DPP10: variants seen among roughly 807,000 people sequenced by gnomAD.
DPP10 encodes dipeptidyl peptidase like 10, also known as inactive dipeptidyl peptidase 10.
A neutral mutation model predicts 120.9 loss-of-function variants in DPP10; 33 were observed. The observed-to-expected ratio is 0.27, with a 90% CI of 0.21 to 0.37. The LOEUF (loss-of-function observed/expected upper bound fraction) is 0.37, where lower values mean the gene tolerates loss of function less well. Ranked by LOEUF, DPP10 falls within the 10% of genes least tolerant of loss-of-function variation. DPP10 has a pLI of 1.00. For synonymous variants in DPP10, 337 were observed against 326.1 expected (o/e 1.03, Z -0.36); for missense variants, 816 against 942.8 (o/e 0.87, Z 1.76).
chr2:115,796,321 T>G (rs1396312677), intron 19 of DPP10, among the ~76,000 whole-genome samples: 1 of 152,186 alleles, frequency 6.6e-6, no homozygotes, highest in Admixed American at 6.5e-5. Context: ...CATACCAGAT[T>G]ACAACATTTA....
intron 1 of DPP10, among the ~76,000 whole-genome samples, chr2:114,715,430 T>A (rs749886409): frequency 2.0e-5 from 3 of 152,096 alleles, no homozygotes; most frequent in Non-Finnish European, 4.4e-5. Flanking sequence ...TCAATATTGA[T>A]GTGTTTAAGA....
chr2:114,866,148 T>TAAAC (rs1553444408), intron 1 of DPP10, among the ~76,000 whole-genome samples: 3 of 150,288 alleles, frequency 2.0e-5, no homozygotes, highest in Non-Finnish European at 3.0e-5. Flanking sequence ...AATAAATAAA[T>TAAAC]AAACTTATAT....
chr2:115,306,420 A>G (rs998796384), intron 1 of DPP10, among the ~76,000 whole-genome samples: 22 of 152,150 alleles, frequency 1.4e-4, no homozygotes, highest in Non-Finnish European at 5.9e-5. Flanking sequence ...ATGAAATACA[A>G]GATTCTTTCT....
intron 3 of DPP10, among the ~76,000 whole-genome samples, chr2:115,459,000 G>A (rs1185382141): frequency 1.3e-5 from 2 of 152,114 alleles, no homozygotes; most frequent in African/African-American, 4.8e-5. Flanking sequence ...AGACACTCCA[G>A]TGTCATGTTA....
chr2:114,477,217 C>A, intron 1 of DPP10, among the ~76,000 whole-genome samples: 1 of 151,868 alleles, frequency 6.6e-6, no homozygotes, highest in East Asian at 1.9e-4. Flanking sequence ...CAAGGACTCC[C>A]AAAGTGCTGG....
chr2:115,143,373 C>T (rs529435235), intron 1 of DPP10, among the ~76,000 whole-genome samples: 1 of 152,296 alleles, frequency 6.6e-6, no homozygotes, highest in South Asian at 2.1e-4. Context: ...ATTTAGGCCA[C>T]TGGAAGTAAT....
intron 5 of DPP10, among the ~76,000 whole-genome samples, chr2:115,578,643 A>G (rs149386392): frequency 5.3e-5 from 8 of 152,210 alleles, no homozygotes; most frequent in South Asian, 4.1e-4. Context: ...GGAAATTTGC[A>G]TACTCAGAAC....
chr2:115,746,260 G>C, intron 10 of DPP10, 77 bp downstream of exon 10: 1 of 1,263,360 alleles, frequency 7.9e-7, no homozygotes. Context: ...AATTTAGAGA[G>C]AGATGTGATC....
chr2:114,982,895 C>T lies in DPP10; in HGVS notation c.61-326344C>T, dbSNP rs2048830374. Among the ~76,000 whole-genome samples the T allele has an allele frequency of 2.0e-5, 3 of 152,018 alleles. 1 individual carries two copies. On this transcript the variant is annotated intron_variant, in intron 1 of 25. Transcript: ENST00000410059. ...GTGCTGTGATTACAGGTGTGAGCCA[C>T]TGCGCCCAGCCAATTTTGCAAATTG...
chr2:115,028,404 T>G (rs1347836272), intron 1 of DPP10, among the ~76,000 whole-genome samples: 1 of 152,116 alleles, frequency 6.6e-6, no homozygotes, highest in Non-Finnish European at 1.5e-5. Context: ...GTTTCTGAAG[T>G]TCCTCTTGTT....
intron 1 of DPP10, among the ~76,000 whole-genome samples, chr2:114,523,617 G>A (rs1386558632): frequency 6.6e-6 from 1 of 152,200 alleles, no homozygotes; most frequent in Non-Finnish European, 1.5e-5. Flanking sequence ...GCTGTAGAGG[G>A]AAAAGGAAGT....
chr2:114,761,426 C>T (rs374199810), intron 1 of DPP10, among the ~76,000 whole-genome samples: 2 of 152,128 alleles, frequency 1.3e-5, no homozygotes, highest in East Asian at 1.9e-4. Flanking sequence ...GCACTTTTCT[C>T]CCCTCTTAAA....
At chr2:115,574,497 C>T (rs1041765671) in intron 5 of DPP10, among the ~76,000 whole-genome samples, 9 of 152,142 alleles carry the variant, frequency 5.9e-5, no homozygotes, top group South Asian at 2.1e-4. Flanking sequence ...TTCTTGTGCA[C>T]CTCCCTCTTG....
Position 114,885,896 on chromosome 2 carries a change from A to T in DPP10, c.61-423343A>T, listed in dbSNP as rs531872566. 5.9e-5 allele frequency among the ~76,000 whole-genome samples: 9 copies of T among 152,324 alleles called. No individual in the cohort carries two copies. In the East Asian group the frequency reaches 1.7e-3, roughly 29 times the overall value. On this transcript the variant is annotated intron_variant, in intron 1 of 25. Transcript: ENST00000410059. Reference sequence around the variant, plus strand: ...TAACATTCTTAAGCATCACATTTCTAATTTGAATAATAGAGACGATAATTT... The same window carrying T: ...TAACATTCTTAAGCATCACATTTCTTATTTGAATAATAGAGACGATAATTT...
chr2:115,671,944 A>G (rs2089909008), intron 5 of DPP10, among the ~76,000 whole-genome samples: 1 of 152,194 alleles, frequency 6.6e-6, no homozygotes, highest in South Asian at 2.1e-4. Flanking sequence ...ACTGATATGT[A>G]AAACAATATA....
At chr2:114,452,662 G>A (rs952937428) in intron 1 of DPP10, among the ~76,000 whole-genome samples, 3 of 152,038 alleles carry the variant, frequency 2.0e-5, no homozygotes, top group Non-Finnish European at 4.4e-5. Flanking sequence ...TTCATTGAAA[G>A]CATCAGAAAA....
intron 4 of DPP10, among the ~76,000 whole-genome samples, chr2:115,512,075 T>G (rs2077261676): frequency 6.6e-6 from 1 of 150,812 alleles, no homozygotes; most frequent in Non-Finnish European, 1.5e-5. Context: ...CCTTCCTTCC[T>G]GTCTCCCTCC....
At chr2:115,535,886 G>A (rs979394043) in intron 5 of DPP10, among the ~76,000 whole-genome samples, 7 of 151,926 alleles carry the variant, frequency 4.6e-5, no homozygotes, top group Admixed American at 4.6e-4. Flanking sequence ...TTGTGAATGG[G>A]AGTTCACTCA....
intron 3 of DPP10, among the ~76,000 whole-genome samples, chr2:115,395,831 G>A (rs1218581046): frequency 2.0e-5 from 3 of 151,900 alleles, no homozygotes; most frequent in Non-Finnish European, 4.4e-5. Flanking sequence ...TGATGAGAAT[G>A]GGAATGACAC....
Sources: allele counts gnomAD v4.1 joint callset (sites outside exome capture counted in the v4.1 genomes callset), GRCh38; gene constraint gnomAD v4.1.1; transcripts MANE v1.5; gene names NCBI Gene and HGNC (gene_info 2026-07-23, HGNC 2026-07-21).